Variants in ATP13A3 observed in about 807,000 individuals in gnomAD.
The protein encoded by ATP13A3 is polyamine-transporting ATPase 13A3.
A neutral mutation model predicts 158.1 loss-of-function variants in ATP13A3; 59 were observed. That is an observed-to-expected ratio of 0.37 (90% CI 0.30 to 0.46). The LOEUF (loss-of-function observed/expected upper bound fraction) is 0.46, where lower values mean the gene tolerates loss of function less well. Among genes scored for constraint, ATP13A3 ranks in the 20% least tolerant of loss-of-function variants. The pLI is 1.00. For missense variants in ATP13A3, 1,166 were observed against 1,525.2 expected, an observed-to-expected ratio of 0.76 and a Z score of 3.92; for synonymous variants, 491 against 504.3, an observed-to-expected ratio of 0.97 and a Z score of 0.35.
intron 15 of ATP13A3, among the ~76,000 whole-genome samples, chr3:194,444,469 AG>A (rs1718261986): frequency 6.6e-6 from 1 of 152,232 alleles, no homozygotes; most frequent in African/African-American, 2.4e-5. Flanking sequence ...ATTTATACTT[AG>A]AAAAAATATA....
At chr3:194,417,715 G>A (rs562551211) in intron 31 of ATP13A3, among the ~76,000 whole-genome samples, 2 of 152,062 alleles carry the variant, frequency 1.3e-5, no homozygotes, top group Non-Finnish European at 2.9e-5. Flanking sequence ...GAGGCAGGAG[G>A]ATCACTTGAG....
At chr3:194,480,119 C>T (rs1238648967) in intron 2 of ATP13A3, among the ~76,000 whole-genome samples, 1 of 152,122 alleles carries the variant, frequency 6.6e-6, no homozygotes, top group African/African-American at 2.4e-5. Flanking sequence ...ACTAAGTTAA[C>T]AAATAATAAG....
At chr3:194,456,076 A>G in intron 7 of ATP13A3, 114 bp from the exon 8 acceptor site, 1 of 574,636 alleles carries the variant, frequency 1.7e-6, no homozygotes, top group East Asian at 3.5e-5. Context: ...CATGTCTCCA[A>G]ACACCTGTCT....
At chr3:194,445,724 G>A (rs1718356785) in intron 14 of ATP13A3, among the ~76,000 whole-genome samples, 1 of 151,970 alleles carries the variant, frequency 6.6e-6, no homozygotes, top group Admixed American at 6.6e-5. Context: ...ATTTTTTTCT[G>A]TAATAATGAA....
chr3:194,429,234 C>A, intron 27 of ATP13A3, among the ~76,000 whole-genome samples: 1 of 151,722 alleles, frequency 6.6e-6, no homozygotes, highest in East Asian at 1.9e-4. Context: ...CGAGACCACC[C>A]TGGCCAACAT....
At position 194,403,080 on chromosome 3, in the gene ATP13A3, A is replaced by AT. The variant is rs1279259335; in HGVS notation, c.*2838dup. Reference sequence around the variant, plus strand: ...ATATGTCAAAATTGCATGCATGAATATTTTCTAAAGCTTGAATTTTGCTCT... The same window carrying AT: ...ATATGTCAAAATTGCATGCATGAATATTTTTCTAAAGCTTGAATTTTGCTCT... On this transcript the variant is annotated 3_prime_UTR_variant, in exon 34 of 34. Coordinates refer to ENST00000645319, the MANE Select transcript of ATP13A3 (RefSeq NM_001367549.1). 1 of 152,196 alleles carries AT rather than the reference A, an allele frequency of 6.6e-6. No individual in the cohort carries two copies. The highest frequency in any genetic ancestry group is 2.4e-5 in the African/African-American group (1 of 41,446). 9.4% of individuals were successfully genotyped at this position (152,196 alleles called of 1,614,324 possible). A position where few individuals can be genotyped will look rare whatever the true frequency, so the allele number is the denominator to read the frequency against.
chr3:194,479,576 G>C (rs1720669462), intron 2 of ATP13A3, among the ~76,000 whole-genome samples: 1 of 151,262 alleles, frequency 6.6e-6, no homozygotes, highest in African/African-American at 2.4e-5. Context: ...AAAAAATAAA[G>C]TAAAATAAAA....
chr3:194,444,905 G>C, intron 14 of ATP13A3, 119 bp from the exon 15 acceptor site: 1 of 658,856 alleles, frequency 1.5e-6, no homozygotes, highest in Admixed American at 3.2e-5. Context: ...TAACATAATG[G>C]AGTTCTACAG....
intron 6 of ATP13A3, chr3:194,458,996 A>G (rs1288394995): frequency 1.9e-5 from 3 of 154,134 alleles, no homozygotes; most frequent in Non-Finnish European, 2.9e-5. Context: ...GTGTACTTAT[A>G]TAACTTAAAT....
chr3:194,425,322 A>C lies in ATP13A3; in HGVS notation c.3313+20T>G. The stretch of plus-strand genomic sequence containing the variant: ...TAAAGGGGCAAGCAGGGTGGAAATC[A>C]CAATAAATGCCAAACTTACAATTTT... On this transcript the variant is annotated intron_variant, in intron 30 of 33. Transcript: ENST00000645319. The C allele has an allele frequency of 6.2e-7, 1 of 1,602,288 alleles. No homozygotes were observed. The highest frequency in any genetic ancestry group is 8.5e-7 in the Non-Finnish European group (1 of 1,171,934).
Position 194,437,361 on chromosome 3 carries a change from T to A in ATP13A3, c.1949A>T (p.Tyr650Phe), listed in dbSNP as rs1182821408. 3 of 1,614,232 alleles carry A rather than the reference T, an allele frequency of 1.9e-6. No homozygotes were observed. Among genetic ancestry groups the A allele is most frequent in the Admixed American group, 1.7e-5 (1 of 60,020 alleles). Residue 650 changes from tyrosine (Y) to phenylalanine (F), a missense_variant, in exon 19 of 34, where the codon TAC becomes TTC. Tyr to Phe is a conservative substitution (Grantham distance 22). Transcript: ENST00000645319. ...RVLGDRKMDA[Y>F]MKGAPEAIAG... The stretch of plus-strand genomic sequence containing the variant: ...AATGGCCTCGGGCGCTCCTTTCATG[T>A]AGGCGTCCATTTTCCTATCCCCCAG...
intron 5 of ATP13A3, 121 bp downstream of exon 5, chr3:194,459,668 T>C (rs547499483): frequency 2.6e-5 from 30 of 1,162,980 alleles, no homozygotes; most frequent in Non-Finnish European, 3.5e-5. Flanking sequence ...TGTAATATTT[T>C]ATATGCAGGT....
chr3:194,432,265 G>C (rs79688511), intron 21 of ATP13A3, among the ~76,000 whole-genome samples: 28 of 152,314 alleles, frequency 1.8e-4, no homozygotes, highest in African/African-American at 6.3e-4. Flanking sequence ...CTAGTGGTCT[G>C]TGCAAGAACA....
At chr3:194,409,711 T>TTTTTTTTTTTTTG (rs1715214402) in intron 33 of ATP13A3, among the ~76,000 whole-genome samples, 1 of 144,178 alleles carries the variant, frequency 6.9e-6, no homozygotes, top group Non-Finnish European at 1.5e-5. Flanking sequence ...TTTTTTTTTT[T>TTTTTTTTTTTTTG]TTTTTTTTTG....
At position 194,403,965 on chromosome 3, in the gene ATP13A3, T is replaced by C. The variant is rs527557368; in HGVS notation, c.*1954A>G. ...CTCTTTATGATCATGCTCTTAAAGA[T>C]GTTAAATACAATCGGATAATTGAAT... On this transcript the variant is annotated 3_prime_UTR_variant, in exon 34 of 34. Coordinates refer to ENST00000645319, the MANE Select transcript of ATP13A3 (RefSeq NM_001367549.1). 35 of 359,296 alleles carry C rather than the reference T, an allele frequency of 9.7e-5. No individual in the cohort carries two copies. Among genetic ancestry groups the C allele is most frequent in the African/African-American group, 7.1e-4 (33 of 46,274 alleles). 22.3% of individuals were successfully genotyped at this position (359,296 alleles called of 1,614,324 possible).
chr3:194,432,252 T>TA (rs1433974399), intron 21 of ATP13A3, among the ~76,000 whole-genome samples: 1 of 152,186 alleles, frequency 6.6e-6, no homozygotes, highest in Admixed American at 6.5e-5. Context: ...CTTTACAAAG[T>TA]GACTAGTGGT....
chr3:194,465,829 A>ACACAC, intron 2 of ATP13A3, among the ~76,000 whole-genome samples: 1 of 139,942 alleles, frequency 7.1e-6, no homozygotes, highest in East Asian at 2.0e-4. Flanking sequence ...CACACACACA[A>ACACAC]AAATTAGCCA....
rs1718450484 is a variant in ATP13A3 at position 194,446,985 on chromosome 3, C to T, written c.1439G>A (p.Cys480Tyr). Residue 480 changes from cysteine to tyrosine, a missense_variant, in exon 14 of 34, where the codon TGT becomes TAT. By Grantham distance (194) the Cys-to-Tyr change is radical. Coordinates refer to ENST00000645319, the MANE Select transcript of ATP13A3 (RefSeq NM_001367549.1). ...QRRLKKIGIF[C>Y]ISPQRINICG... is the part of the protein sequence containing the mutation. ...AATATTTATTCTTTGAGGACTGATA[C>T]AGAAAATACCGATTTTTTTCAGTCT... is the stretch of plus-strand genomic sequence containing the variant. The T allele has an allele frequency of 1.2e-6, 2 of 1,613,578 alleles. No individual in the cohort carries two copies. The highest frequency in any genetic ancestry group is 1.7e-5 in the Admixed American group (1 of 59,822).
upstream of ATP13A3, chr3:194,488,085 T>A (rs943745608): frequency 6.6e-6 from 1 of 152,406 alleles, no homozygotes; most frequent in Non-Finnish European, 1.5e-5. The surrounding 1 kb of genome is among the most constrained non-coding windows in gnomAD (Gnocchi z 4.1). Context: ...CCCTAGATTG[T>A]GTGAGGCTAG....
Sources: gnomAD v4.1 joint callset for allele counts (sites outside exome capture counted in the v4.1 genomes callset) on GRCh38, gnomAD v4.1.1 for gene constraint, Gnocchi (gnomAD v3.1) non-coding constraint, MANE v1.5 for transcripts, NCBI Gene and HGNC (gene_info 2026-07-23, HGNC 2026-07-21) for gene names.